The following SETD3 variants were observed in gnomAD, a reference collection of about 807,000 sequenced individuals.
SETD3 encodes the protein actin-histidine N-methyltransferase.
A neutral mutation model predicts 63.0 loss-of-function variants in SETD3; 19 were observed. The ratio of observed to expected loss-of-function variants is 0.30; its 90% CI spans 0.21 to 0.44. The LOEUF (loss-of-function observed/expected upper bound fraction) is 0.44. SETD3 is among the 20% of genes least tolerant of loss of function. The pLI, the probability that SETD3 is intolerant of heterozygous loss-of-function variation, is 1.00. For missense variants in SETD3, 587 were observed against 728.5 expected, an observed-to-expected ratio of 0.81 and a Z score of 2.24; for synonymous variants, 286 against 264.1, an observed-to-expected ratio of 1.08 and a Z score of -0.80.
intron 11 of SETD3, among the ~76,000 whole-genome samples, chr14:99,403,330 A>C (rs7148028): frequency 0.041 from 6,183 of 152,202 alleles, 409 homozygotes; most frequent in African/African-American, 0.14. Flanking sequence ...GCTTCCTTCC[A>C]GAACACTTGT....
At chr14:99,442,079 C>T (rs532136078) in intron 6 of SETD3, among the ~76,000 whole-genome samples, 206 of 152,302 alleles carry the variant, frequency 1.4e-3, no homozygotes, top group Middle Eastern at 6.8e-3. Flanking sequence ...GACTATGAAG[C>T]GGCTGTGGAG....
chr14:99,406,689 TC>T, intron 8 of SETD3, 99 bp from the exon 9 acceptor site: 1 of 1,194,304 alleles, frequency 8.4e-7, no homozygotes, highest in Non-Finnish European at 1.2e-6. Context: ...AAAAAGGGGA[TC>T]CCAAGGTACT....
chr14:99,406,850 A>T (rs1891709038), intron 8 of SETD3, among the ~76,000 whole-genome samples: 1 of 152,238 alleles, frequency 6.6e-6, no homozygotes, highest in Non-Finnish European at 1.5e-5. Context: ...ATAGATTGTC[A>T]CTTGCTGGAC....
chr14:99,447,164 G>A (rs563536381), intron 6 of SETD3, among the ~76,000 whole-genome samples: 1 of 152,170 alleles, frequency 6.6e-6, no homozygotes, highest in Admixed American at 6.5e-5. Flanking sequence ...GTAGAGACGG[G>A]GTTTCACCAT....
intron 6 of SETD3, among the ~76,000 whole-genome samples, chr14:99,451,619 G>A (rs1236610675): frequency 6.6e-6 from 1 of 152,080 alleles, no homozygotes; most frequent in African/African-American, 2.4e-5. Flanking sequence ...CGATTCTCCT[G>A]CCTCAGCCTC....
At chr14:99,444,539 A>G (rs1894019968) in intron 6 of SETD3, 1 of 152,226 alleles carries the variant, frequency 6.6e-6, no homozygotes, top group African/African-American at 2.4e-5. Context: ...CTAATTATCC[A>G]TCTGCTCTGA....
chr14:99,446,982 T>A (rs994190548), intron 6 of SETD3, among the ~76,000 whole-genome samples: 122 of 151,684 alleles, frequency 8.0e-4, no homozygotes, highest in Non-Finnish European at 1.5e-3. Context: ...TTTCTTTTTT[T>A]TTTTTTTTGA....
At chr14:99,401,386 G>A (rs560761211) in intron 11 of SETD3, among the ~76,000 whole-genome samples, 1 of 152,264 alleles carries the variant, frequency 6.6e-6, no homozygotes, top group East Asian at 1.9e-4. Flanking sequence ...ATGTGATTAG[G>A]AGACAGTGTC....
At chr14:99,411,376 C>T (rs1265083759) in intron 8 of SETD3, 1 of 151,880 alleles carries the variant, frequency 6.6e-6, no homozygotes, top group Non-Finnish European at 1.5e-5. Context: ...GGAAGCTAAA[C>T]AAAAACCAAT....
intron 6 of SETD3, among the ~76,000 whole-genome samples, chr14:99,455,507 C>T (rs1178353643): frequency 6.6e-6 from 1 of 152,048 alleles, no homozygotes; most frequent in Non-Finnish European, 1.5e-5. Flanking sequence ...ATGCCAGTGA[C>T]CAAAAAAGTG....
rs150717080 is a variant in SETD3, at chr14:99,452,716, T to C, written c.675+5563A>G. 2.9e-3 allele frequency among the ~76,000 whole-genome samples: 434 copies of C among 152,254 alleles called. 1 individual carries two copies. The highest frequency in any genetic ancestry group is 9.8e-3 in the African/African-American group (408 of 41,538). The stretch of plus-strand genomic sequence containing the variant: ...ATGGACTATTATCACTTCTCCATGC[T>C]CCTCTCCCAAAAACCAGGATCACCA... On this transcript the variant is annotated intron_variant, in intron 6 of 12. Transcript: ENST00000331768.
intron 1 of SETD3, among the ~76,000 whole-genome samples, chr14:99,469,865 G>A (rs995030279): frequency 3.9e-5 from 6 of 152,166 alleles, no homozygotes; most frequent in South Asian, 2.1e-4. Flanking sequence ...CAGTCCTGAC[G>A]AACCCTTTCA....
chr14:99,403,673 A>C (rs1329936309), intron 11 of SETD3, among the ~76,000 whole-genome samples: 1 of 152,240 alleles, frequency 6.6e-6, no homozygotes, highest in African/African-American at 2.4e-5. Flanking sequence ...GCATGAAATA[A>C]GAGGCTGTAG....
chr14:99,417,716 A>C (rs1892356573), intron 6 of SETD3, among the ~76,000 whole-genome samples: 1 of 152,270 alleles, frequency 6.6e-6, no homozygotes, highest in South Asian at 2.1e-4. Context: ...ACAGCTTTGA[A>C]ACATTAACAG....
chr14:99,468,433 C>T (rs1895515324), intron 1 of SETD3, among the ~76,000 whole-genome samples: 1 of 152,216 alleles, frequency 6.6e-6, no homozygotes, highest in South Asian at 2.1e-4. Flanking sequence ...AACAGGCTAA[C>T]ATTGCTATCT....
chr14:99,462,982 A>G (rs1895156419), intron 3 of SETD3, among the ~76,000 whole-genome samples: 1 of 152,230 alleles, frequency 6.6e-6, no homozygotes, highest in Non-Finnish European at 1.5e-5. Context: ...ACTCACACTT[A>G]GCCCCACGCC....
intron 6 of SETD3, among the ~76,000 whole-genome samples, chr14:99,434,133 A>G (rs1234525338): frequency 6.6e-6 from 1 of 152,254 alleles, no homozygotes; most frequent in African/African-American, 2.4e-5. Context: ...CACTTGTAAT[A>G]GCCAAAAACT....
At chr14:99,448,104 G>T (rs1365956324) in intron 6 of SETD3, among the ~76,000 whole-genome samples, 1 of 152,208 alleles carries the variant, frequency 6.6e-6, no homozygotes, top group South Asian at 2.1e-4. Flanking sequence ...AGCCCCTGTG[G>T]CTAGGAGCAC....
In SETD3 at chr14:99,463,523, G is replaced by T. The variant is rs1206842196; in HGVS notation, c.159C>A (p.Ile53=). The change falls in exon 3 of 13, where the codon ATC becomes ATA. Residue 53 remains isoleucine (I), a synonymous_variant. Transcript: ENST00000331768. ...TCCGTATTTTCTCAACCAGAGTCCG[G>T]ATCTGCACATACTCTTCCCACTCTT... is the stretch of plus-strand genomic sequence containing the variant. The part of the protein sequence containing the change: ...PGKEWEEYVQ[I]RTLVEKIRKK... 3 of 1,613,878 alleles carry T rather than the reference G, an allele frequency of 1.9e-6. No individual in the cohort carries two copies. Among genetic ancestry groups the T allele is most frequent in the South Asian group, 1.1e-5 (1 of 91,070 alleles).
Sources: gnomAD v4.1 joint callset for allele counts (sites outside exome capture counted in the v4.1 genomes callset) on GRCh38, gnomAD v4.1.1 for gene constraint, MANE v1.5 for transcripts, NCBI Gene and HGNC (gene_info 2026-07-23, HGNC 2026-07-21) for gene names.